PECAM1: variants seen among roughly 807,000 people sequenced by gnomAD.
The protein encoded by PECAM1 is platelet endothelial cell adhesion molecule.
PECAM1 carries 8 observed loss-of-function variants against 13.8 expected under a neutral mutation model. That is an observed-to-expected ratio of 0.58 (90% CI 0.34 to 1.05). PECAM1 has a LOEUF of 1.05. PECAM1 is among the 50% of genes least tolerant of loss of function. PECAM1 has a pLI of 0.03. For missense variants in PECAM1, 304 were observed against 141.2 expected (o/e 2.15, Z -5.84); for synonymous variants, 136 against 52.6 (o/e 2.58, Z -6.86).
intron 2 of PECAM1, among the ~76,000 whole-genome samples, chr17:64,382,908 C>CA (rs1237749166): frequency 6.6e-6 from 1 of 151,920 alleles, no homozygotes; most frequent in East Asian, 1.9e-4. Context: ...GGCGTGGTGG[C>CA]AGTTGCCTGT....
At position 64,330,799 on chromosome 17, in the gene PECAM1, G is replaced by T. The variant is rs578124740; in HGVS notation, c.2165-1077C>A. 1.1e-3 allele frequency among the ~76,000 whole-genome samples: 173 copies of T among 151,666 alleles called. 1 individual carries two copies. Among genetic ancestry groups the T allele is most frequent in the Non-Finnish European group, 2.0e-3 (139 of 67,918 alleles). The stretch of plus-strand genomic sequence containing the variant: ...TCCACTACGATTTGGCTTTTTTGGG[G>T]GTGGGGAGCAGTTATAATTATACAG... On this transcript the variant is annotated intron_variant, in intron 14 of 15. Coordinates refer to ENST00000563924, the MANE Select transcript of PECAM1 (RefSeq NM_000442.5).
chr17:64,381,462 T>C (rs1241016798), intron 2 of PECAM1, among the ~76,000 whole-genome samples: 2 of 152,146 alleles, frequency 1.3e-5, no homozygotes, highest in Non-Finnish European at 2.9e-5. Flanking sequence ...TTTTTTGGAA[T>C]AAGAAAAAAG....
intron 5 of PECAM1, among the ~76,000 whole-genome samples, chr17:64,364,993 A>G (rs1304542242): frequency 6.6e-5 from 10 of 151,872 alleles, no homozygotes; most frequent in Non-Finnish European, 1.3e-4. Flanking sequence ...AGGAGAAGGA[A>G]ATAAAGGGTA....
intron 14 of PECAM1, among the ~76,000 whole-genome samples, chr17:64,332,690 G>A (rs1371790534): frequency 6.6e-6 from 1 of 152,258 alleles, no homozygotes; most frequent in African/African-American, 2.4e-5. Flanking sequence ...TCCCATAGGA[G>A]ACTTGGCACA....
At chr17:64,328,077 G>C (rs1555645996) in intron 15 of PECAM1, among the ~76,000 whole-genome samples, 1 of 152,182 alleles carries the variant, frequency 6.6e-6, no homozygotes, top group African/African-American at 2.4e-5. Flanking sequence ...ACCAGTCATG[G>C]GTGAGCTCTC....
rs2035599502 is a variant in PECAM1 at position 64,347,501 on chromosome 17, G to C, written c.2107+759C>G. ...GCTGAGATCTCGCAACTGCACTCCA[G>C]CCTGGGCACAGAGTGAGACTCCGTC... On this transcript the variant is annotated intron_variant, in intron 13 of 15. Coordinates refer to ENST00000563924, the MANE Select transcript of PECAM1 (RefSeq NM_000442.5). Among the ~76,000 whole-genome samples, 3 of 144,818 alleles carry C rather than the reference G, an allele frequency of 2.1e-5. No individual in the cohort carries two copies. In the South Asian group the frequency reaches 6.4e-4, roughly 31 times the overall value.
intron 2 of PECAM1, among the ~76,000 whole-genome samples, chr17:64,383,936 C>T (rs987484114): frequency 4.6e-5 from 7 of 152,024 alleles, no homozygotes; most frequent in South Asian, 2.1e-4. Context: ...GTTCGAGACC[C>T]GCTGGCCAAC....
chr17:64,380,024 CAAA>C (rs1225502082), intron 2 of PECAM1, among the ~76,000 whole-genome samples: 4 of 113,800 alleles, frequency 3.5e-5, no homozygotes, highest in Non-Finnish European at 3.7e-5. Context: ...GATCCTGTCT[CAAA>C]AAAAAAAAAA....
In PECAM1 at chr17:64,323,980, C is replaced by T. The variant is rs563063644; in HGVS notation, c.2188-135G>A. The stretch of plus-strand genomic sequence containing the variant: ...AGGGCTGTCACACACTGGTCCCCCA[C>T]CCTGCAGGGTTCTCTCTGTGACTTC... On this transcript the variant is annotated intron_variant, in intron 15 of 15. Transcript: ENST00000563924. The T allele has an allele frequency of 2.0e-4, 164 of 807,914 alleles. No individual in the cohort carries two copies. The African/African-American group carries it at 2.3e-3, about 11-fold the overall frequency. 50.0% of individuals were successfully genotyped at this position (807,914 alleles called of 1,614,324 possible).
intron 6 of PECAM1, among the ~76,000 whole-genome samples, chr17:64,360,627 G>T: frequency 7.7e-6 from 1 of 130,712 alleles, no homozygotes; most frequent in Non-Finnish European, 1.7e-5. Flanking sequence ...TGGTGAGAAG[G>T]GAAAGGGAAA....
chr17:64,376,305 AAAATAAAT>A (rs386627358), intron 3 of PECAM1, among the ~76,000 whole-genome samples: 123,159 of 148,434 alleles, frequency 0.83, 55,069 homozygotes, highest in East Asian at 1. Context: ...ACTCTGTCTA[AAAATAAAT>A]AAATAAATAA....
At position 64,356,505 on chromosome 17, in the gene PECAM1, G is replaced by A. The variant is rs73345103; in HGVS notation, c.1493-107C>T. 1.8e-3 allele frequency: 722 copies of A among 403,472 alleles called. 3 individuals are homozygous for A. Among genetic ancestry groups the A allele is most frequent in the African/African-American group, 0.012 (570 of 48,234 alleles). The allele number at this position is 403,472 out of a possible 1,614,324, so 25.0% of individuals were successfully genotyped here. On this transcript the variant is annotated intron_variant, in intron 7 of 15. Coordinates refer to ENST00000563924, the MANE Select transcript of PECAM1 (RefSeq NM_000442.5). ...TTTTTTTCCTCTGAGACAGAGTCCCGCTCTTATCACCCAGGCTGGAGTGCA... is the reference window on the plus strand; with the variant it reads ...TTTTTTTCCTCTGAGACAGAGTCCCACTCTTATCACCCAGGCTGGAGTGCA...
At chr17:64,382,069 C>T (rs1247648282) in intron 2 of PECAM1, among the ~76,000 whole-genome samples, 2 of 152,118 alleles carry the variant, frequency 1.3e-5, no homozygotes, top group African/African-American at 4.8e-5. Flanking sequence ...CATTGCACTC[C>T]AGCCTGGGAA....
intron 13 of PECAM1, among the ~76,000 whole-genome samples, chr17:64,344,370 G>T (rs1441526057): frequency 6.6e-6 from 1 of 152,094 alleles, no homozygotes; most frequent in Non-Finnish European, 1.5e-5. Context: ...CTGCTGTCAG[G>T]GATGTTTCCG....
intron 5 of PECAM1, among the ~76,000 whole-genome samples, chr17:64,368,927 A>ATTTTT (rs2036173492): frequency 1.2e-5 from 1 of 85,882 alleles, no homozygotes; most frequent in African/African-American, 4.1e-5. Flanking sequence ...GGTAATTGTC[A>ATTTTT]TTTCTTTTTT....
At chr17:64,338,244 T>TTC (rs1244507744) in intron 14 of PECAM1, among the ~76,000 whole-genome samples, 10 of 145,070 alleles carry the variant, frequency 6.9e-5, no homozygotes, top group Non-Finnish European at 1.5e-4. Context: ...TTAAAATTTT[T>TTC]TTTTTTTTTT....
Position 64,321,877 on chromosome 17 carries a change from C to T in PECAM1, c.*1939G>A. 1 of 1,349,938 alleles carries T rather than the reference C, an allele frequency of 7.4e-7. No individual in the cohort carries two copies. The highest frequency in any genetic ancestry group is 9.8e-7 in the Non-Finnish European group (1 of 1,019,982). The allele number at this position is 1,349,938 out of a possible 1,614,324, so 83.6% of individuals were successfully genotyped here. The stretch of plus-strand genomic sequence containing the variant: ...GCCCTTCTCTGGTGGTGGCAAGGGA[C>T]TAAGGAACTCCCTGGACACAGGGGA... On this transcript the variant is annotated 3_prime_UTR_variant, in exon 16 of 16. Coordinates refer to ENST00000563924, the MANE Select transcript of PECAM1 (RefSeq NM_000442.5).
intron 15 of PECAM1, 151 bp downstream of exon 15, chr17:64,329,549 A>G: frequency 1.5e-6 from 1 of 656,602 alleles, no homozygotes; most frequent in Non-Finnish European, 2.8e-6. Flanking sequence ...GAACTGGCCA[A>G]GGCTAGTCAG....
intron 2 of PECAM1, among the ~76,000 whole-genome samples, chr17:64,381,581 C>T (rs57932898): frequency 0.012 from 1,863 of 152,118 alleles, 38 homozygotes; most frequent in African/African-American, 0.042. Context: ...AATTTTAAAA[C>T]GAGTACTACA....
Sources: allele counts gnomAD v4.1 joint callset (sites outside exome capture counted in the v4.1 genomes callset), GRCh38; gene constraint gnomAD v4.1.1; transcripts MANE v1.5; gene names NCBI Gene and HGNC (gene_info 2026-07-23, HGNC 2026-07-21).